Variants in HMCN2 observed in about 807,000 individuals in gnomAD.
HMCN2 encodes the protein hemicentin 2.
Under a neutral mutation model 377.5 loss-of-function variants are expected in HMCN2, and 325 were observed. The observed-to-expected ratio is 0.86, with a 90% CI of 0.79 to 0.94. HMCN2 has a LOEUF of 0.94. Ranked by LOEUF, HMCN2 falls within the 40% of genes least tolerant of loss-of-function variation. HMCN2 has a pLI of 0.00. For missense variants in HMCN2, 4,543 were observed against 4,725.3 expected, an observed-to-expected ratio of 0.96 and a Z score of 1.13; for synonymous variants, 2,007 against 2,046.8, an observed-to-expected ratio of 0.98 and a Z score of 0.53.
intron 15 of HMCN2, among the ~76,000 whole-genome samples, chr9:130,314,798 G>T (rs1344953474): frequency 6.6e-6 from 1 of 152,140 alleles, no homozygotes; most frequent in African/African-American, 2.4e-5. Context: ...CAGTGATAAG[G>T]AGTCCTAGAG....
intron 1 of HMCN2, among the ~76,000 whole-genome samples, chr9:130,269,801 T>G (rs550606937): frequency 0.012 from 1,803 of 147,442 alleles, 159 homozygotes; most frequent in Non-Finnish European, 0.016. Flanking sequence ...TGTTTTTTTT[T>G]TTGTTGTTGT....
intron 1 of HMCN2, among the ~76,000 whole-genome samples, chr9:130,267,435 A>C (rs1425353296): frequency 6.9e-6 from 1 of 145,810 alleles, no homozygotes. Flanking sequence ...CCCCAAATAA[A>C]ACACACACAC....
rs945827006 is a variant in HMCN2, at chr9:130,422,073, C to T, written c.13232-504C>T. Among the ~76,000 whole-genome samples the T allele has an allele frequency of 6.6e-6, 1 of 152,250 alleles. No homozygotes were observed. The highest frequency in any genetic ancestry group is 2.4e-5 in the African/African-American group (1 of 41,478). On this transcript the variant is annotated intron_variant, in intron 86 of 97. Transcript: ENST00000683500. This position sits in a 1 kb window ranked among gnomAD's most constrained non-coding sequence, Gnocchi z 4.2. ...GCCTGGCGGGCAGCGGCTAGGAAAC[C>T]AGCCCACCCGGCCAGGCCAGCTGCA... is the stretch of plus-strand genomic sequence containing the variant.
In HMCN2 at chr9:130,359,411, C is replaced by G; in HGVS notation, c.5770C>G (p.Pro1924Ala). Reference protein sequence around the residue: ...LECLASGVPPPDVSWFKGHQP... With the variant: ...LECLASGVPPADVSWFKGHQP... ...GTGTCTGGCTTCGGGCGTGCCCCCTCCTGGTAAGACCCCTCCTCTTGGCTG... is the reference window on the plus strand; with the variant it reads ...GTGTCTGGCTTCGGGCGTGCCCCCTGCTGGTAAGACCCCTCCTCTTGGCTG... The change falls in exon 37 of 98, where the codon CCT (proline) becomes GCT (alanine). Residue 1924 changes from proline (P) to alanine (A), a missense_variant. Physicochemically the swap from Pro to Ala is conservative, Grantham distance 27. Around this residue, in one of 5 missense-constraint regions of HMCN2, gnomAD observed 1,032 missense variants for 1,285.1 expected, o/e 0.80. Transcript: ENST00000683500. The G allele has an allele frequency of 7.7e-7, 1 of 1,297,722 alleles. No homozygotes were observed. Among genetic ancestry groups the G allele is most frequent in the Admixed American group, 2.3e-5 (1 of 43,476 alleles). The allele number at this position is 1,297,722 out of a possible 1,614,324, so 80.4% of individuals were successfully genotyped here. A position where few individuals can be genotyped will look rare whatever the true frequency, so the allele number is the denominator to read the frequency against.
At chr9:130,274,785 A>G (rs1225843488) in intron 1 of HMCN2, among the ~76,000 whole-genome samples, 1 of 152,174 alleles carries the variant, frequency 6.6e-6, no homozygotes, top group Non-Finnish European at 1.5e-5. Flanking sequence ...ATAATATGGC[A>G]TGAATATCTC....
At chr9:130,377,164 A>C (rs1445925237) in intron 52 of HMCN2, among the ~76,000 whole-genome samples, 1 of 151,396 alleles carries the variant, frequency 6.6e-6, no homozygotes, top group Admixed American at 6.6e-5. Context: ...CCCAGGCTGG[A>C]GTACAGTGGC....
intron 83 of HMCN2, among the ~76,000 whole-genome samples, chr9:130,408,321 T>G (rs1843215147): frequency 6.6e-6 from 1 of 152,194 alleles, no homozygotes; most frequent in Admixed American, 6.5e-5. Flanking sequence ...TAGCGTTGCT[T>G]TGTACAACAG....
At chr9:130,366,467 A>ATTTT (rs71499234) in intron 43 of HMCN2, among the ~76,000 whole-genome samples, 3,581 of 82,984 alleles carry the variant, frequency 0.043, 606 homozygotes, top group Non-Finnish European at 0.058. Context: ...CACTTCACCA[A>ATTTT]TTTTTTTTTT....
intron 1 of HMCN2, 104 bp from the exon 2 acceptor site, chr9:130,284,499 C>G (rs1215781301): frequency 4.5e-6 from 2 of 442,418 alleles, no homozygotes; most frequent in Non-Finnish European, 9.3e-6. Context: ...GTGCCAGCCT[C>G]AGCTCCTCTG....
chr9:130,320,006 T>A (rs1350162230), intron 16 of HMCN2, among the ~76,000 whole-genome samples: 5 of 152,282 alleles, frequency 3.3e-5, no homozygotes, highest in African/African-American at 9.6e-5. Context: ...CACACACATA[T>A]AAGCTACTAT....
At position 130,355,544 on chromosome 9, in the gene HMCN2, G is replaced by A. The variant is rs1272930861; in HGVS notation, c.5147-202G>A. On this transcript the variant is annotated intron_variant, in intron 32 of 97. Coordinates refer to ENST00000683500, the MANE Select transcript of HMCN2 (RefSeq NM_001291815.2). ...CAGGGAGGCAGATGTTAAATAATTAGGCCCAAGCCTTTGGGGAGCCCGGGG... is the reference window on the plus strand; with the variant it reads ...CAGGGAGGCAGATGTTAAATAATTAAGCCCAAGCCTTTGGGGAGCCCGGGG... Among the ~76,000 whole-genome samples, 4 of 152,204 alleles carry A rather than the reference G, an allele frequency of 2.6e-5. No individual in the cohort carries two copies. The East Asian group carries it at 7.7e-4, about 29-fold the overall frequency.
Position 130,376,538 on chromosome 9 carries a change from C to A in HMCN2, c.7941C>A (p.Asp2647Glu). The A allele has an allele frequency of 2.0e-6, 2 of 985,892 alleles. No individual in the cohort carries two copies. Among genetic ancestry groups the A allele is most frequent in the South Asian group, 9.4e-5 (2 of 21,286 alleles). 61.1% of individuals were successfully genotyped at this position (985,892 alleles called of 1,614,324 possible). A position where few individuals can be genotyped will look rare whatever the true frequency, so the allele number is the denominator to read the frequency against. Residue 2647 changes from aspartate (D) to glutamate (E), a missense_variant, in exon 52 of 98, where the codon GAC (aspartate) becomes GAA (glutamate). By Grantham distance (45) the Asp-to-Glu change is conservative (BLOSUM62 2). Coordinates refer to ENST00000683500, the MANE Select transcript of HMCN2 (RefSeq NM_001291815.2). ...EVLIPPSISKDDPLAEVGVKE... is the reference protein window; with the variant it reads ...EVLIPPSISKEDPLAEVGVKE... ...CAGTCCCCCCTTCCATCTCCAAAGA[C>A]GACCCCTTGGCGGAGGTCGGCGTGA... is the stretch of plus-strand genomic sequence containing the variant.
intron 22 of HMCN2, among the ~76,000 whole-genome samples, chr9:130,332,650 ACCT>A (rs1385559718): frequency 2.0e-5 from 3 of 151,910 alleles, no homozygotes; most frequent in African/African-American, 7.3e-5. Context: ...TGTCTCAGGC[ACCT>A]CCTCCTGAAT....
Position 130,406,130 on chromosome 9 carries a change from C to T in HMCN2, c.12515C>T (p.Pro4172Leu). ...TGTGCAGCCCGGGGCAGCCCCACCCCTCGCATTGGCTGGACTGTCAACGAC... is the reference window on the plus strand; with the variant it reads ...TGTGCAGCCCGGGGCAGCCCCACCCTTCGCATTGGCTGGACTGTCAACGAC... ...LRCAARGSPT[P>L]RIGWTVNDRP... is the part of the protein sequence containing the mutation. Residue 4172 changes from proline (P) to leucine (L), a missense_variant, in exon 82 of 98, where the codon CCT (proline) becomes CTT (leucine). Around this residue, in one of 5 missense-constraint regions of HMCN2, gnomAD observed 1,073 missense variants for 1,319.5 expected, o/e 0.81. Transcript: ENST00000683500. 7.8e-7 allele frequency: 1 copy of T among 1,289,852 alleles called. No homozygotes were observed. Among genetic ancestry groups the T allele is most frequent in the East Asian group, 5.5e-5 (1 of 18,020 alleles). 79.9% of individuals were successfully genotyped at this position (1,289,852 alleles called of 1,614,324 possible).
chr9:130,307,682 GC>G (rs1836957703), intron 14 of HMCN2, 116 bp downstream of exon 14: 1 of 434,872 alleles, frequency 2.3e-6, no homozygotes, highest in African/African-American at 2.0e-5. Flanking sequence ...TCTGCTCCCC[GC>G]CGCCCTGACC....
chr9:130,366,115 AG>A, intron 43 of HMCN2, 120 bp downstream of exon 43: 1 of 757,524 alleles, frequency 1.3e-6, no homozygotes, highest in Non-Finnish European at 1.6e-6. Context: ...TTATACCTCG[AG>A]GGGGTGGGGA....
chr9:130,335,600 C>T (rs1197509534), intron 22 of HMCN2, among the ~76,000 whole-genome samples: 1 of 151,978 alleles, frequency 6.6e-6, no homozygotes, highest in African/African-American at 2.4e-5. Context: ...GGTGATGTCT[C>T]GGTATTGAAA....
At chr9:130,408,972 G>A (rs1401468784) in intron 84 of HMCN2, 39 bp downstream of exon 84, 2 of 1,249,732 alleles carry the variant, frequency 1.6e-6, no homozygotes, top group Non-Finnish European at 2.1e-6. Context: ...GGCCACTGAG[G>A]ACAACTCTAC....
At chr9:130,306,026 C>A in intron 11 of HMCN2, 103 bp from the exon 12 acceptor site, 1 of 424,440 alleles carries the variant, frequency 2.4e-6, no homozygotes, top group Non-Finnish European at 5.0e-6. Flanking sequence ...CTCTGTCTTG[C>A]CCATCTGTGA....
Sources: gnomAD v4.1 joint callset for allele counts (sites outside exome capture counted in the v4.1 genomes callset) on GRCh38, gnomAD v4.1.1 for gene constraint, gnomAD v4.1.1 regional missense constraint, Gnocchi (gnomAD v3.1) non-coding constraint, MANE v1.5 for transcripts, NCBI Gene and HGNC (gene_info 2026-07-23, HGNC 2026-07-21) for gene names.